The following GRB10 variants were observed in gnomAD, a reference collection of about 807,000 sequenced individuals.
GRB10 encodes the protein growth factor receptor bound protein 10.
A neutral mutation model predicts 80.9 loss-of-function variants in GRB10; 20 were observed. The ratio of observed to expected loss-of-function variants is 0.25; its 90% CI spans 0.17 to 0.36. The LOEUF is 0.36. GRB10 is among the 10% of genes least tolerant of loss of function. The pLI is 1.00. For missense variants in GRB10, 548 were observed against 747.7 expected, an observed-to-expected ratio of 0.73 and a Z score of 3.12; for synonymous variants, 291 against 291.5, an observed-to-expected ratio of 1.00 and a Z score of 0.02.
chr7:50,617,452 C>G (rs1276721043), intron 10 of GRB10, among the ~76,000 whole-genome samples: 1 of 152,154 alleles, frequency 6.6e-6, no homozygotes, highest in Non-Finnish European at 1.5e-5. Flanking sequence ...CATTCCCATT[C>G]CCCACTCCCA....
At chr7:50,774,961 T>C (rs2077422205) in intron 2 of GRB10, among the ~76,000 whole-genome samples, 2 of 145,146 alleles carry the variant, frequency 1.4e-5, no homozygotes, top group African/African-American at 5.0e-5. Flanking sequence ...CTGGGCAACA[T>C]GGCAAAACCC....
At chr7:50,618,164 A>T in intron 9 of GRB10, 25 bp from the exon 10 acceptor site, 1 of 1,576,560 alleles carries the variant, frequency 6.3e-7, no homozygotes, top group Non-Finnish European at 8.7e-7. Context: ...AAAAACAAAT[A>T]CGTAAAAGGT....
rs754806141 is a variant in GRB10, at chr7:50,612,848, G to A, written c.1096-9C>T. On this transcript the variant is annotated splice_polypyrimidine_tract_variant and intron_variant, in intron 12 of 18. Transcript: ENST00000401949. ...TTCCTGACTTTGTTTGGCTACAGGAGGTAAAAGAAAGTCCTGTTAGTGTTA... is the reference window on the plus strand; with the variant it reads ...TTCCTGACTTTGTTTGGCTACAGGAAGTAAAAGAAAGTCCTGTTAGTGTTA... The A allele has an allele frequency of 1.3e-6, 2 of 1,599,574 alleles. No individual in the cohort carries two copies. The highest frequency in any genetic ancestry group is 1.7e-6 in the Non-Finnish European group (2 of 1,167,064).
chr7:50,747,254 C>T (rs76075853), intron 3 of GRB10, among the ~76,000 whole-genome samples: 1,906 of 152,292 alleles, frequency 0.013, 51 homozygotes, highest in African/African-American at 0.043. Context: ...AGCCCAGGCG[C>T]GGTAGCTGAA....
In GRB10 at chr7:50,703,855, G is replaced by T; in HGVS notation, c.105C>A (p.Leu35=). The part of the protein sequence containing the change: ...RSQQDPAGPG[L]PAQSDRLANH... ...TCGCAAGTCGGTCAGACTGTGCGGGGAGTCCTGGTCCTGCCGGGTCTTGTT... is the reference window on the plus strand; with the variant it reads ...TCGCAAGTCGGTCAGACTGTGCGGGTAGTCCTGGTCCTGCCGGGTCTTGTT... The change falls in exon 5 of 19, where the codon CTC becomes CTA. Residue 35 remains leucine (L), a synonymous_variant. Coordinates refer to ENST00000401949, the MANE Select transcript of GRB10 (RefSeq NM_001350814.2). The T allele has an allele frequency of 1.2e-6, 2 of 1,613,534 alleles. No individual in the cohort carries two copies. The highest frequency in any genetic ancestry group is 8.5e-7 in the Non-Finnish European group (1 of 1,179,626).
intron 4 of GRB10, 145 bp from the exon 5 acceptor site, chr7:50,704,053 A>C: frequency 1.5e-6 from 1 of 647,264 alleles, no homozygotes; most frequent in Non-Finnish European, 2.8e-6. Flanking sequence ...TTTCAATGAT[A>C]GTTGTTGAAA....
At chr7:50,654,179 A>G (rs2058360251) in intron 7 of GRB10, among the ~76,000 whole-genome samples, 1 of 152,222 alleles carries the variant, frequency 6.6e-6, no homozygotes. Flanking sequence ...AGGAAGCAGC[A>G]GCATGTCCCC....
chr7:50,741,548 GT>G, intron 3 of GRB10, among the ~76,000 whole-genome samples: 1 of 120,836 alleles, frequency 8.3e-6, no homozygotes. Flanking sequence ...AGGAACATGT[GT>G]TTAAAAAAAA....
chr7:50,711,000 G>A (rs77396015), intron 4 of GRB10: 48,476 of 981,948 alleles, frequency 0.049, 1,740 homozygotes, highest in East Asian at 0.16. Flanking sequence ...CCTGGAGAAC[G>A]GCACAGAAGG....
At position 50,674,628 on chromosome 7, in the gene GRB10, T is replaced by C; in HGVS notation, c.170A>G (p.Asn57Ser). 1.2e-6 allele frequency: 2 copies of C among 1,613,874 alleles called. No individual in the cohort carries two copies. The highest frequency in any genetic ancestry group is 1.7e-6 in the Non-Finnish European group (2 of 1,180,030). ...GCTCTCCAGGGATGCATTCATATCG[T>C]TCACCAGGGCTTCCAGGTCCACATC... ...EDDVDLEALV[N>S]DMNASLESLY... Residue 57 changes from asparagine (N) to serine (S), a missense_variant, in exon 6 of 19, where the codon AAC becomes AGC. By Grantham distance (46) the Asn-to-Ser change is conservative. This residue lies in a region of GRB10 where 245 missense variants were observed against 229.3 expected (regional missense o/e 1.07). Transcript: ENST00000401949.
At chr7:50,608,809 A>T (rs903452221) in intron 13 of GRB10, among the ~76,000 whole-genome samples, 2 of 152,114 alleles carry the variant, frequency 1.3e-5, no homozygotes, top group African/African-American at 4.8e-5. Flanking sequence ...TATAAAAAAT[A>T]CAAAAATTAG....
At chr7:50,762,257 T>C (rs2075848293) in intron 2 of GRB10, among the ~76,000 whole-genome samples, 1 of 151,490 alleles carries the variant, frequency 6.6e-6, no homozygotes, top group African/African-American at 2.4e-5. Flanking sequence ...GGAAGTCTAA[T>C]GGTGAAAATG....
At chr7:50,675,155 T>C (rs1343253004) in intron 5 of GRB10, among the ~76,000 whole-genome samples, 4 of 152,090 alleles carry the variant, frequency 2.6e-5, no homozygotes, top group Admixed American at 6.6e-5. Flanking sequence ...AAAGGTTAAG[T>C]AGGGGCTGAC....
chr7:50,711,041 A>G, intron 4 of GRB10: 1 of 763,822 alleles, frequency 1.3e-6, no homozygotes, highest in South Asian at 1.4e-5. Context: ...AGGTAAACAA[A>G]GACCAATGCC....
At chr7:50,611,702 C>G (rs2049564483) in intron 13 of GRB10, among the ~76,000 whole-genome samples, 1 of 152,208 alleles carries the variant, frequency 6.6e-6, no homozygotes. Context: ...GGATCTGCAG[C>G]ACCTCCAGGA....
intron 5 of GRB10, among the ~76,000 whole-genome samples, chr7:50,701,083 TTTGA>T (rs902597295): frequency 6.6e-6 from 1 of 152,216 alleles, no homozygotes; most frequent in African/African-American, 2.4e-5. Context: ...CTTGATGTTG[TTTGA>T]TTGTTGTTGT....
chr7:50,727,356 A>C (rs2068814964), intron 4 of GRB10, among the ~76,000 whole-genome samples: 1 of 152,214 alleles, frequency 6.6e-6, no homozygotes, highest in Non-Finnish European at 1.5e-5. Flanking sequence ...GTCTCCCTCC[A>C]GGGCTGGGAG....
intron 4 of GRB10, among the ~76,000 whole-genome samples, chr7:50,724,662 A>G (rs988498808): frequency 4.6e-5 from 7 of 152,160 alleles, no homozygotes; most frequent in Admixed American, 3.9e-4. Flanking sequence ...AGACAGGAGA[A>G]AGGAAACAGG....
chr7:50,743,393 C>A (rs1391382947), intron 3 of GRB10, among the ~76,000 whole-genome samples: 4 of 152,248 alleles, frequency 2.6e-5, no homozygotes, highest in African/African-American at 9.6e-5. Flanking sequence ...AATACATGAT[C>A]TTGAATCTGT....
Sources: gnomAD v4.1 joint callset for allele counts (sites outside exome capture counted in the v4.1 genomes callset) on GRCh38, gnomAD v4.1.1 for gene constraint, gnomAD v4.1.1 regional missense constraint, MANE v1.5 for transcripts, NCBI Gene and HGNC (gene_info 2026-07-23, HGNC 2026-07-21) for gene names.